The following PRKG1 variants were observed in gnomAD, a reference collection of about 807,000 sequenced individuals.
PRKG1 encodes protein kinase cGMP-dependent 1, also known as cGMP-dependent protein kinase 1.
In PRKG1, 35 loss-of-function variants were observed where a neutral mutation model predicts 88.1. The ratio of observed to expected loss-of-function variants is 0.40; its 90% CI spans 0.30 to 0.53. PRKG1 has a LOEUF of 0.53. PRKG1 is among the 20% of genes least tolerant of loss of function. The pLI, the probability that PRKG1 is intolerant of heterozygous loss-of-function variation, is 0.59. For synonymous variants in PRKG1, 303 were observed against 292.5 expected (o/e 1.04, Z -0.37); for missense variants, 540 against 839.8 (o/e 0.64, Z 4.41).
chr10:51,991,111 T>C (rs2133128233), intron 5 of PRKG1, among the ~76,000 whole-genome samples: 1 of 152,300 alleles, frequency 6.6e-6, no homozygotes, highest in South Asian at 2.1e-4. Context: ...AATGGGATTG[T>C]TCACCTCATT....
intron 7 of PRKG1, among the ~76,000 whole-genome samples, chr10:52,104,299 T>C (rs1847364821): frequency 6.6e-6 from 1 of 152,014 alleles, no homozygotes; most frequent in African/African-American, 2.4e-5. Flanking sequence ...TAATGATATT[T>C]TAATTGTTAG....
At chr10:51,742,362 A>G (rs951723234) in intron 3 of PRKG1, among the ~76,000 whole-genome samples, 4 of 152,222 alleles carry the variant, frequency 2.6e-5, no homozygotes, top group Admixed American at 6.5e-5. Context: ...AAGATATAAT[A>G]AGGAGAATCT....
chr10:51,694,165 A>C (rs892544825), intron 3 of PRKG1, among the ~76,000 whole-genome samples: 9 of 152,210 alleles, frequency 5.9e-5, no homozygotes, highest in Non-Finnish European at 1.2e-4. Flanking sequence ...TTCTTTTGTG[A>C]GAAGACTCTC....
intron 2 of PRKG1, among the ~76,000 whole-genome samples, chr10:51,247,184 A>G (rs916158319): frequency 4.6e-5 from 7 of 152,178 alleles, no homozygotes; most frequent in East Asian, 1.9e-4. Context: ...GCTTCTTCCT[A>G]TAGGTCAACT....
At chr10:51,945,131 G>A (rs2133039086) in intron 5 of PRKG1, among the ~76,000 whole-genome samples, 1 of 150,320 alleles carries the variant, frequency 6.7e-6, no homozygotes, top group Non-Finnish European at 1.5e-5. Context: ...TTATGACTCT[G>A]GGTGCTCCTG....
At chr10:51,602,279 T>G (rs753293844) in intron 3 of PRKG1, among the ~76,000 whole-genome samples, 2 of 152,166 alleles carry the variant, frequency 1.3e-5, no homozygotes, top group Non-Finnish European at 2.9e-5. Flanking sequence ...GGAGTTTTGT[T>G]TATATCGAAC....
rs924049726 is a variant in PRKG1 at position 51,306,376 on chromosome 10, A to G, written c.478+153046A>G. On this transcript the variant is annotated intron_variant, in intron 2 of 17. Transcript: ENST00000373980. ...TGAAAATCACCTATTTGAGATTGAT[A>G]TGCATATTTCCCTCTTCAACTTTCC... 3.9e-4 allele frequency among the ~76,000 whole-genome samples: 59 copies of G among 152,292 alleles called. 1 individual carries two copies. Among genetic ancestry groups the G allele is most frequent in the Non-Finnish European group, 7.2e-4 (49 of 68,024 alleles).
At chr10:51,050,253 C>G (rs2038912790) in intron 1 of PRKG1, among the ~76,000 whole-genome samples, 1 of 151,924 alleles carries the variant, frequency 6.6e-6, no homozygotes, top group Non-Finnish European at 1.5e-5. Context: ...TTCTGCGCCT[C>G]TAGACCTCTA....
At chr10:51,428,090 G>A (rs923668781) in intron 2 of PRKG1, among the ~76,000 whole-genome samples, 1 of 152,152 alleles carries the variant, frequency 6.6e-6, no homozygotes, top group Non-Finnish European at 1.5e-5. Flanking sequence ...TCTTTGAGAG[G>A]ATGACGTCTA....
Position 51,378,852 on chromosome 10 carries a change from C to A in PRKG1, c.479-88871C>A, listed in dbSNP as rs137994863. 2.7e-3 allele frequency among the ~76,000 whole-genome samples: 413 copies of A among 152,214 alleles called. 3 individuals carry two copies. The highest frequency in any genetic ancestry group is 9.5e-3 in the African/African-American group (395 of 41,546). On this transcript the variant is annotated intron_variant, in intron 2 of 17. Transcript: ENST00000373980. The stretch of plus-strand genomic sequence containing the variant: ...ATTAGACATTTAAGACATGAATAAG[C>A]ACTTAGTAAATAGAGTTAACCATGG...
chr10:51,591,288 C>CGTG (rs1838306152), intron 3 of PRKG1, among the ~76,000 whole-genome samples: 1 of 152,154 alleles, frequency 6.6e-6, no homozygotes, highest in Admixed American at 6.5e-5. Context: ...AAATGTAAAA[C>CGTG]TGTTGGTAGC....
At chr10:51,758,820 A>T (rs1470076023) in intron 3 of PRKG1, among the ~76,000 whole-genome samples, 1 of 151,728 alleles carries the variant, frequency 6.6e-6, no homozygotes, top group Non-Finnish European at 1.5e-5. Context: ...TGCATTAGGT[A>T]TTTTTCCTAA....
intron 1 of PRKG1, among the ~76,000 whole-genome samples, chr10:51,127,827 A>G (rs955506213): frequency 1.3e-5 from 2 of 152,214 alleles, no homozygotes; most frequent in Non-Finnish European, 2.9e-5. Context: ...ATGAAGCTGG[A>G]AGCCATTATC....
At chr10:51,685,840 A>G (rs1840974247) in intron 3 of PRKG1, among the ~76,000 whole-genome samples, 1 of 152,060 alleles carries the variant, frequency 6.6e-6, no homozygotes, top group Admixed American at 6.5e-5. Context: ...ACAACAACAA[A>G]ACAAAAAAAG....
chr10:52,112,851 G>C (rs549376528), intron 7 of PRKG1, among the ~76,000 whole-genome samples: 5 of 152,128 alleles, frequency 3.3e-5, no homozygotes, highest in African/African-American at 1.2e-4. Flanking sequence ...ATGAAATTAT[G>C]ACTACGGTCG....
intron 3 of PRKG1, among the ~76,000 whole-genome samples, chr10:51,609,505 T>A (rs1243528893): frequency 6.6e-6 from 1 of 152,200 alleles, no homozygotes; most frequent in Non-Finnish European, 1.5e-5. Flanking sequence ...CCCAAAGGAA[T>A]ATAAATCATT....
intron 1 of PRKG1, among the ~76,000 whole-genome samples, chr10:51,003,688 A>G (rs1842912596): frequency 6.6e-6 from 1 of 152,138 alleles, no homozygotes; most frequent in African/African-American, 2.4e-5. Context: ...TCTCCTCCCA[A>G]TCTTTCTACT....
In PRKG1 at chr10:51,508,998, G is replaced by A. The variant is rs76370031; in HGVS notation, c.592+41162G>A. 5.1e-3 allele frequency among the ~76,000 whole-genome samples: 784 copies of A among 152,246 alleles called. 20 individuals are homozygous for A. The East Asian group carries it at 0.055, about 11-fold the overall frequency. On this transcript the variant is annotated intron_variant, in intron 3 of 17. Transcript: ENST00000373980. ...TTCAGATTTCAAATGACTTTCTAGA[G>A]TATCTGAGTTAAAATTGTTAACACT...
At chr10:52,248,601 A>G (rs1188022472) in intron 9 of PRKG1, among the ~76,000 whole-genome samples, 1 of 152,192 alleles carries the variant, frequency 6.6e-6, no homozygotes, top group African/African-American at 2.4e-5. Context: ...CATTACCAAT[A>G]TCTTTGCATC....
Sources: gnomAD v4.1 joint callset for allele counts (sites outside exome capture counted in the v4.1 genomes callset) on GRCh38, gnomAD v4.1.1 for gene constraint, MANE v1.5 for transcripts, NCBI Gene and HGNC (gene_info 2026-07-23, HGNC 2026-07-21) for gene names.